The following BAZ2A variants were observed in gnomAD, a reference collection of about 807,000 sequenced individuals.
BAZ2A encodes the protein bromodomain adjacent to zinc finger domain protein 2A.
Under a neutral mutation model 199.9 loss-of-function variants are expected in BAZ2A, and 34 were observed. The observed-to-expected ratio is 0.17, with a 90% CI of 0.13 to 0.23. The LOEUF is 0.23. Among genes scored for constraint, BAZ2A ranks in the 10% least tolerant of loss-of-function variants. BAZ2A has a pLI of 1.00. For synonymous variants in BAZ2A, 857 were observed against 883.9 expected (o/e 0.97, Z 0.54); for missense variants, 2,002 against 2,391.1 (o/e 0.84, Z 3.39).
At chr12:56,601,436 T>A (rs750476550) in intron 20 of BAZ2A, 34 bp from the exon 21 acceptor site, 3 of 1,598,436 alleles carry the variant, frequency 1.9e-6, no homozygotes, top group Non-Finnish European at 2.6e-6. Context: ...GAAATGAGGA[T>A]GTTTTCATGT....
rs758473978 is a variant in BAZ2A at position 56,611,984 on chromosome 12, C to A, written c.1398G>T (p.Val466=). The change falls in exon 6 of 29, where the codon GTG becomes GTT. Residue 466 remains valine (V), a synonymous_variant. Coordinates refer to ENST00000549884, the MANE Select transcript of BAZ2A (RefSeq NM_001300905.2). ...STVVSPAVFS[V]VSPASSAVLP... is the part of the protein sequence containing the mutation. ...GGACTGCTGAGGAAGCTGGAGAGAC[C>A]ACTGAGAAGACTGCTGGAGAGACAA... is the stretch of plus-strand genomic sequence containing the variant. 6 of 1,613,338 alleles carry A rather than the reference C, an allele frequency of 3.7e-6. No individual in the cohort carries two copies. The highest frequency in any genetic ancestry group is 4.5e-5 in the East Asian group (2 of 44,896).
rs780299387 is a variant in BAZ2A, at chr12:56,598,746, G to A, written c.5584C>T (p.Leu1862=). ...SSEEFAADAL[L]VFDNCQTFNE... is the part of the protein sequence containing the mutation. ...AAAGTCTGGCAGTTGTCAAATACCA[G>A]GAGGGCATCAGCCGCAAACTCCTCT... is the stretch of plus-strand genomic sequence containing the variant. Residue 1862 remains leucine, a synonymous_variant, in exon 29 of 29, where the codon CTG becomes TTG. Transcript: ENST00000549884. 6.2e-7 allele frequency: 1 copy of A among 1,613,078 alleles called. No individual in the cohort carries two copies. Among genetic ancestry groups the A allele is most frequent in the Non-Finnish European group, 8.5e-7 (1 of 1,179,526 alleles).
rs1301957244 is a variant in BAZ2A, at chr12:56,627,839, AAG to A, written c.-3+2284_-3+2285del. Among the ~76,000 whole-genome samples, 410 of 148,816 alleles carry A rather than the reference AAG, an allele frequency of 2.8e-3. 2 individuals are homozygous for A. The highest frequency in any genetic ancestry group is 9.5e-3 in the African/African-American group (389 of 40,822). On this transcript the variant is annotated intron_variant, in intron 1 of 28. Coordinates refer to ENST00000549884, the MANE Select transcript of BAZ2A (RefSeq NM_001300905.2). ...AGACCCTGTCTCAAAAAAAAAAAAA[AAG>A]AAAGAAAGAAAGAGAAAAGAAAAGA...
chr12:56,613,818 G>A, intron 4 of BAZ2A, 135 bp downstream of exon 4: 1 of 843,014 alleles, frequency 1.2e-6, no homozygotes, highest in South Asian at 2.1e-5. Context: ...GCATGTAACT[G>A]TGGTCTGCCT....
chr12:56,605,777 T>A (rs1173858794), intron 13 of BAZ2A, 53 bp downstream of exon 13: 2 of 1,506,210 alleles, frequency 1.3e-6, no homozygotes, highest in Non-Finnish European at 1.8e-6. Flanking sequence ...TTTTTTTTTT[T>A]TAAAGGAAAG....
Position 56,600,443 on chromosome 12 carries a change from G to A in BAZ2A, c.4650C>T (p.Tyr1550=), listed in dbSNP as rs372854557. 4.3e-6 allele frequency: 7 copies of A among 1,613,828 alleles called. No individual in the cohort carries two copies. Among genetic ancestry groups the A allele is most frequent in the African/African-American group, 1.3e-5 (1 of 74,916 alleles). ...CCTGGGAGTCGGAGAGGTGCTCACA[G>A]TAGGCCAAGTCTTCACGGGTAGAGT... ...SPDSTREDLA[Y]CEHLSDSQED... is the part of the protein sequence containing the mutation. Residue 1550 remains tyrosine (Y), a synonymous_variant, in exon 24 of 29, where the codon TAC becomes TAT. Coordinates refer to ENST00000549884, the MANE Select transcript of BAZ2A (RefSeq NM_001300905.2).
At chr12:56,620,239 G>C (rs1453812904) in intron 1 of BAZ2A, among the ~76,000 whole-genome samples, 3 of 151,926 alleles carry the variant, frequency 2.0e-5, no homozygotes, top group Non-Finnish European at 4.4e-5. Flanking sequence ...TATTGGGCCA[G>C]ATTCAAAGTT....
rs1886058128 is a variant in BAZ2A, at chr12:56,598,475, G to A, written c.*143C>T. On this transcript the variant is annotated 3_prime_UTR_variant, in exon 29 of 29. Coordinates refer to ENST00000549884, the MANE Select transcript of BAZ2A (RefSeq NM_001300905.2). Reference sequence around the variant, plus strand: ...GGGATGTAGGAATAAGAGGATGTGGGGCACTGCCAAGGGCAAGGTCAAAAA... The same window carrying A: ...GGGATGTAGGAATAAGAGGATGTGGAGCACTGCCAAGGGCAAGGTCAAAAA... The A allele has an allele frequency of 9.9e-6, 10 of 1,011,516 alleles. No homozygotes were observed. The highest frequency in any genetic ancestry group is 1.4e-5 in the Non-Finnish European group (10 of 703,328). 62.7% of individuals were successfully genotyped at this position (1,011,516 alleles called of 1,614,324 possible).
In BAZ2A at chr12:56,611,898, G is replaced by C; in HGVS notation, c.1484C>G (p.Pro495Arg). ...TASVTSPKASPVTSPAAAFPT... is the reference protein window; with the variant it reads ...TASVTSPKASRVTSPAAAFPT... ...AAAGGCAGCTGCTGGGGAAGTTACG[G>C]GAGAGGCTTTTGGGGATGTCACTGA... The change falls in exon 6 of 29, where the codon CCC becomes CGC. Residue 495 changes from proline (P) to arginine (R), a missense_variant. Around this residue, in one of 6 missense-constraint regions of BAZ2A, gnomAD observed 641 missense variants for 694.5 expected, o/e 0.92. Coordinates refer to ENST00000549884, the MANE Select transcript of BAZ2A (RefSeq NM_001300905.2). 1 of 1,608,912 alleles carries C rather than the reference G, an allele frequency of 6.2e-7. No individual in the cohort carries two copies. Among genetic ancestry groups the C allele is most frequent in the Non-Finnish European group, 8.5e-7 (1 of 1,176,836 alleles).
intron 10 of BAZ2A, 117 bp from the exon 11 acceptor site, chr12:56,606,850 GA>G (rs1434221192): frequency 1.7e-5 from 13 of 771,082 alleles, no homozygotes; most frequent in Non-Finnish European, 2.6e-5. Context: ...GAAGAATCTA[GA>G]GTAGCTTTTT....
chr12:56,614,205 AG>A, intron 3 of BAZ2A, 67 bp from the exon 4 acceptor site: 1 of 1,476,378 alleles, frequency 6.8e-7, no homozygotes, highest in African/African-American at 1.4e-5. Flanking sequence ...TAGCTATACT[AG>A]GCAGTCAATC....
chr12:56,600,853 G>C, intron 22 of BAZ2A, 21 bp from the exon 23 acceptor site: 2 of 1,612,708 alleles, frequency 1.2e-6, no homozygotes, highest in South Asian at 1.1e-5. Flanking sequence ...AGGTGGCAGA[G>C]GGAGAGGCCC....
intron 2 of BAZ2A, among the ~76,000 whole-genome samples, chr12:56,616,942 A>G (rs981234488): frequency 3.9e-5 from 6 of 152,160 alleles, no homozygotes; most frequent in African/African-American, 1.4e-4. Flanking sequence ...CCTTGTCCCT[A>G]CCTTCCATCC....
intron 6 of BAZ2A, 29 bp downstream of exon 6, chr12:56,611,744 C>G (rs754458930): frequency 3.3e-6 from 5 of 1,518,824 alleles, no homozygotes; most frequent in Admixed American, 2.3e-5. Context: ...TGGAACCAGA[C>G]AGGGATAGAA....
chr12:56,612,010 C>G lies in BAZ2A; in HGVS notation c.1372G>C (p.Val458Leu). The G allele has an allele frequency of 3.7e-6, 6 of 1,613,678 alleles. No homozygotes were observed. The highest frequency in any genetic ancestry group is 5.1e-6 in the Non-Finnish European group (6 of 1,179,814). The change falls in exon 6 of 29, where the codon GTT becomes CTT. Residue 458 changes from valine to leucine, a missense_variant. This residue lies in a region of BAZ2A where 641 missense variants were observed against 694.5 expected (regional missense o/e 0.92). Transcript: ENST00000549884. ...ACTGAGAAGACTGCTGGAGAGACAA[C>G]TGTAGAAGCTGCGGGACAAACTTCT... The part of the protein sequence containing the change: ...SPEVCPAAST[V>L]VSPAVFSVVS...
In BAZ2A at chr12:56,602,802, A is replaced by T. The variant is rs1288685303; in HGVS notation, c.3335T>A (p.Val1112Asp). The T allele has an allele frequency of 1.2e-6, 2 of 1,613,878 alleles. No homozygotes were observed. Residue 1112 changes from valine (V) to aspartate (D), a missense_variant, in exon 19 of 29, where the codon GTC becomes GAC. Physicochemically the swap from Val to Asp is radical, Grantham distance 152 (BLOSUM62 -3). Transcript: ENST00000549884. The part of the protein sequence containing the change: ...LLHSSQMLRA[V>D]SLGQDRYRRR... Reference sequence around the variant, plus strand: ...TCTGTAGCGGTCCTGACCCAGGGAGACCGCCCGAAGCATCTGGGATGAGTG... The same window carrying T: ...TCTGTAGCGGTCCTGACCCAGGGAGTCCGCCCGAAGCATCTGGGATGAGTG...
upstream of BAZ2A, chr12:56,631,005 G>T: frequency 2.3e-6 from 1 of 431,194 alleles, no homozygotes; most frequent in Non-Finnish European, 3.1e-6. Flanking sequence ...CCATTCTATG[G>T]TTCTGGGAAT....
In BAZ2A at chr12:56,612,013, T is replaced by C. The variant is rs546840071; in HGVS notation, c.1369A>G (p.Thr457Ala). The change falls in exon 6 of 29, where the codon ACA becomes GCA. Residue 457 changes from threonine to alanine, a missense_variant. Coordinates refer to ENST00000549884, the MANE Select transcript of BAZ2A (RefSeq NM_001300905.2). ...GAGAAGACTGCTGGAGAGACAACTG[T>C]AGAAGCTGCGGGACAAACTTCTGGA... ...ISPEVCPAASTVVSPAVFSVV... is the reference protein window; with the variant it reads ...ISPEVCPAASAVVSPAVFSVV... 1.9e-6 allele frequency: 3 copies of C among 1,613,286 alleles called. No homozygotes were observed. Among genetic ancestry groups the C allele is most frequent in the Non-Finnish European group, 1.7e-6 (2 of 1,179,680 alleles).
chr12:56,631,181 G>A (rs113913258), upstream of BAZ2A, among the ~76,000 whole-genome samples: 1,030 of 152,186 alleles, frequency 6.8e-3, 13 homozygotes, highest in African/African-American at 0.023. Context: ...GGCCGGACGC[G>A]GTGGCTCACG....
Sources: gnomAD v4.1 joint callset for allele counts (sites outside exome capture counted in the v4.1 genomes callset) on GRCh38, gnomAD v4.1.1 for gene constraint, gnomAD v4.1.1 regional missense constraint, MANE v1.5 for transcripts, NCBI Gene and HGNC (gene_info 2026-07-23, HGNC 2026-07-21) for gene names.